The following ZBTB16 variants were observed in gnomAD, a reference collection of about 807,000 sequenced individuals.
ZBTB16 encodes zinc finger and BTB domain containing 16.
In ZBTB16, 8 loss-of-function variants were observed where a neutral mutation model predicts 56.8. The ratio of observed to expected loss-of-function variants is 0.14; its 90% CI spans 0.08 to 0.25. The LOEUF is 0.25. Among genes scored for constraint, ZBTB16 ranks in the 10% least tolerant of loss-of-function variants. The pLI is 1.00. For synonymous variants in ZBTB16, 363 were observed against 368.5 expected, an observed-to-expected ratio of 0.98 and a Z score of 0.17; for missense variants, 625 against 903.0, an observed-to-expected ratio of 0.69 and a Z score of 3.95.
intron 2 of ZBTB16, among the ~76,000 whole-genome samples, chr11:114,123,322 C>A (rs238898): frequency 2.6e-5 from 4 of 152,020 alleles, no homozygotes; most frequent in African/African-American, 9.7e-5. Flanking sequence ...TTGGCTCCCC[C>A]AGAAGGAGAC....
chr11:114,191,622 G>A (rs1409253829), intron 4 of ZBTB16, among the ~76,000 whole-genome samples: 1 of 152,190 alleles, frequency 6.6e-6, no homozygotes, highest in African/African-American at 2.4e-5. Flanking sequence ...TTGTCCGTGG[G>A]CTAAAAGGCT....
chr11:114,211,328 A>G (rs1027207446), intron 4 of ZBTB16, among the ~76,000 whole-genome samples: 27 of 152,306 alleles, frequency 1.8e-4, no homozygotes, highest in Non-Finnish European at 3.8e-4. Context: ...CTGTGGGTTT[A>G]AATCTCATCT....
intron 2 of ZBTB16, among the ~76,000 whole-genome samples, chr11:114,118,515 C>T (rs1941245391): frequency 6.6e-6 from 1 of 152,094 alleles, no homozygotes; most frequent in African/African-American, 2.4e-5. Flanking sequence ...ATTTATTTAT[C>T]TGTTTATCTA....
At chr11:114,208,034 C>T (rs539247549) in intron 4 of ZBTB16, among the ~76,000 whole-genome samples, 40 of 152,326 alleles carry the variant, frequency 2.6e-4, no homozygotes, top group African/African-American at 8.7e-4. Flanking sequence ...CGGGTGTGAA[C>T]CACCACGCCT....
At chr11:114,107,914 A>T (rs1459718450) in intron 2 of ZBTB16, among the ~76,000 whole-genome samples, 40 of 139,586 alleles carry the variant, frequency 2.9e-4, no homozygotes, top group African/African-American at 9.8e-4. Context: ...GAAATTTGGG[A>T]CTTTTTTTTT....
At chr11:114,074,240 G>T (rs1939456421) in intron 2 of ZBTB16, among the ~76,000 whole-genome samples, 1 of 152,216 alleles carries the variant, frequency 6.6e-6, no homozygotes, top group Admixed American at 6.5e-5. Context: ...TGCTCTAAGT[G>T]GATTAGCTCA....
At chr11:114,246,675 T>C (rs558765026) in intron 5 of ZBTB16, 1 of 164,460 alleles carries the variant, frequency 6.1e-6, no homozygotes, top group East Asian at 1.7e-4. Flanking sequence ...TGATTAGGAG[T>C]TCACCAGGGA....
intron 1 of ZBTB16, among the ~76,000 whole-genome samples, chr11:114,062,296 C>G (rs1447281224): frequency 1.3e-5 from 2 of 151,812 alleles, no homozygotes; most frequent in Non-Finnish European, 2.9e-5. Context: ...AGAGACGGGG[C>G]TTCTCCATGT....
At chr11:114,209,311 T>G in intron 4 of ZBTB16, 1 of 876,440 alleles carries the variant, frequency 1.1e-6, no homozygotes, top group Non-Finnish European at 1.4e-6. Context: ...CTTTTTTGTG[T>G]ATGCATGTGT....
At chr11:114,106,455 T>C (rs1056981292) in intron 2 of ZBTB16, among the ~76,000 whole-genome samples, 1 of 151,870 alleles carries the variant, frequency 6.6e-6, no homozygotes, top group Admixed American at 6.6e-5. Flanking sequence ...TACATTGGTC[T>C]ATGATTTCAC....
intron 3 of ZBTB16, among the ~76,000 whole-genome samples, chr11:114,170,405 T>A (rs953817607): frequency 6.6e-6 from 1 of 152,184 alleles, no homozygotes; most frequent in African/African-American, 2.4e-5. Flanking sequence ...GTGTATGCCT[T>A]TAGTGAAGAC....
chr11:114,141,107 A>G (rs1941933059), intron 2 of ZBTB16, among the ~76,000 whole-genome samples: 1 of 152,136 alleles, frequency 6.6e-6, no homozygotes, highest in African/African-American at 2.4e-5. Context: ...CCCACTGTGG[A>G]TAAGCCAGGC....
At chr11:114,092,738 A>C (rs955088442) in intron 2 of ZBTB16, among the ~76,000 whole-genome samples, 1 of 152,170 alleles carries the variant, frequency 6.6e-6, no homozygotes, top group Non-Finnish European at 1.5e-5. Context: ...CTTAGGTCCC[A>C]TAACTCATGG....
At chr11:114,147,210 C>A (rs962098988) in intron 2 of ZBTB16, among the ~76,000 whole-genome samples, 2 of 152,162 alleles carry the variant, frequency 1.3e-5, no homozygotes, top group Non-Finnish European at 2.9e-5. Context: ...CTTTAATAAA[C>A]CTCAGTTATT....
chr11:114,087,500 C>T (rs142686250), intron 2 of ZBTB16, among the ~76,000 whole-genome samples: 13 of 152,328 alleles, frequency 8.5e-5, no homozygotes, highest in African/African-American at 3.1e-4. Flanking sequence ...TCTTCCCAGG[C>T]ACCCAACTGC....
intron 2 of ZBTB16, among the ~76,000 whole-genome samples, chr11:114,069,356 A>G (rs1392033846): frequency 1.3e-5 from 2 of 152,180 alleles, no homozygotes; most frequent in Admixed American, 6.5e-5. Flanking sequence ...AAGTGCTGGG[A>G]TTACAGGTGT....
chr11:114,173,599 C>G (rs1480509071), intron 3 of ZBTB16, among the ~76,000 whole-genome samples: 5 of 152,190 alleles, frequency 3.3e-5, no homozygotes, highest in African/African-American at 1.2e-4. Flanking sequence ...AATTTACCTG[C>G]TGTTCTGGGA....
chr11:114,224,911 T>C (rs569831382), intron 4 of ZBTB16, among the ~76,000 whole-genome samples: 3 of 152,200 alleles, frequency 2.0e-5, no homozygotes, highest in East Asian at 1.9e-4. Flanking sequence ...GCAAACAGTT[T>C]TGGTGTCAGT....
chr11:114,199,205 G>A (rs896224423), intron 4 of ZBTB16, among the ~76,000 whole-genome samples: 18 of 151,224 alleles, frequency 1.2e-4, no homozygotes, highest in African/African-American at 4.4e-4. Context: ...GCCGGGCCCC[G>A]GGACGGGGAT....
Sources: gnomAD v4.1 joint callset for allele counts (sites outside exome capture counted in the v4.1 genomes callset) on GRCh38, gnomAD v4.1.1 for gene constraint, MANE v1.5 for transcripts, NCBI Gene and HGNC (gene_info 2026-07-23, HGNC 2026-07-21) for gene names.